The following DEPDC1B variants were observed in gnomAD, a reference collection of about 807,000 sequenced individuals.
The protein encoded by DEPDC1B is DEP domain containing 1B.
In DEPDC1B, 51 loss-of-function variants were observed where a neutral mutation model predicts 66.5. The ratio of observed to expected loss-of-function variants is 0.77; its 90% confidence interval spans 0.61 to 0.97. The LOEUF (loss-of-function observed/expected upper bound fraction) is 0.97, where lower values mean the gene tolerates loss of function less well. Ranked by LOEUF, DEPDC1B falls within the 50% of genes least tolerant of loss-of-function variation. The probability of loss-of-function intolerance (pLI) is 0.00; values close to 1 mark genes in which losing one functional copy is unlikely to be tolerated. For synonymous variants in DEPDC1B, 226 were observed against 223.6 expected, an observed-to-expected ratio of 1.01 and a Z score of -0.10; for missense variants, 552 against 637.1, an observed-to-expected ratio of 0.87 and a Z score of 1.44.
At chr5:60,653,475 G>A (rs1330296505) in intron 2 of DEPDC1B, among the ~76,000 whole-genome samples, 1 of 152,054 alleles carries the variant, frequency 6.6e-6, no homozygotes, top group African/African-American at 2.4e-5. Context: ...TGGTTTGATT[G>A]AGTTCCTCGT....
intron 6 of DEPDC1B, among the ~76,000 whole-genome samples, chr5:60,642,606 G>A (rs1561371506): frequency 6.6e-6 from 1 of 152,134 alleles, no homozygotes; most frequent in Non-Finnish European, 1.5e-5. Context: ...GAAAGTAGAA[G>A]TACTAAATCC....
chr5:60,689,127 A>T (rs1754488574), intron 1 of DEPDC1B: 1 of 449,856 alleles, frequency 2.2e-6, no homozygotes, highest in African/African-American at 2.0e-5. Flanking sequence ...CTGGTTGCAC[A>T]GGCCCTGGCA....
chr5:60,607,685 A>G (rs1752338681), intron 7 of DEPDC1B, among the ~76,000 whole-genome samples: 1 of 152,160 alleles, frequency 6.6e-6, no homozygotes, highest in Non-Finnish European at 1.5e-5. Context: ...TGCTCCAAAA[A>G]AAACACTTCT....
intron 7 of DEPDC1B, chr5:60,628,827 T>C (rs936435901): frequency 2.6e-5 from 4 of 152,254 alleles, no homozygotes; most frequent in African/African-American, 9.6e-5. Flanking sequence ...ATATCAACTG[T>C]ATTTTATATA....
In DEPDC1B at chr5:60,654,662, T is replaced by G. The variant is rs929927732; in HGVS notation, c.315-7129A>C. Among the ~76,000 whole-genome samples the G allele has an allele frequency of 2.0e-5, 3 of 148,850 alleles. 1 individual carries two copies. Among genetic ancestry groups the G allele is most frequent in the African/African-American group, 7.6e-5 (3 of 39,434 alleles). On this transcript the variant is annotated intron_variant, in intron 2 of 10. Coordinates refer to ENST00000265036, the MANE Select transcript of DEPDC1B (RefSeq NM_018369.3). ...GCTCCAACTAGGACTTCCAGTACTATGTTGAATAGAAGTGGTGAAAGTCAG... is the reference window on the plus strand; with the variant it reads ...GCTCCAACTAGGACTTCCAGTACTAGGTTGAATAGAAGTGGTGAAAGTCAG...
At position 60,634,990 on chromosome 5, in the gene DEPDC1B, T is replaced by C. The variant is rs576716078; in HGVS notation, c.898+3760A>G. Among the ~76,000 whole-genome samples the C allele has an allele frequency of 3.5e-5, 5 of 144,076 alleles. No homozygotes were observed. In the East Asian group the frequency reaches 8.7e-4, roughly 25 times the overall value. The allele number at this position is 144,076 out of a possible 152,430, so 94.5% of individuals were successfully genotyped here. ...AAAAGAATCACTTGAACCCAGAAGA[T>C]GGAGGTTGCGGTGAGCTGAGATTGC... On this transcript the variant is annotated intron_variant, in intron 7 of 10. Transcript: ENST00000265036.
At chr5:60,611,500 G>C (rs1752413285) in intron 7 of DEPDC1B, among the ~76,000 whole-genome samples, 3 of 152,238 alleles carry the variant, frequency 2.0e-5, no homozygotes, top group Admixed American at 6.5e-5. Flanking sequence ...GCTGAGAGAA[G>C]TCACAAGCTA....
rs536322662 is a variant in DEPDC1B at position 60,602,048 on chromosome 5, C to T, written c.1242+1343G>A. 9.9e-5 allele frequency among the ~76,000 whole-genome samples: 15 copies of T among 150,784 alleles called. No individual in the cohort carries two copies. The South Asian group carries it at 2.5e-3, about 25-fold the overall frequency. ...TGCTCTTGGCCATTCTCATGCCAATCAACAATATTTAATGATGGGGGAATT... is the reference window on the plus strand; with the variant it reads ...TGCTCTTGGCCATTCTCATGCCAATTAACAATATTTAATGATGGGGGAATT... On this transcript the variant is annotated intron_variant, in intron 9 of 10. Coordinates refer to ENST00000265036, the MANE Select transcript of DEPDC1B (RefSeq NM_018369.3).
chr5:60,634,705 T>TAAATAAATAA (rs1334275304), intron 7 of DEPDC1B, among the ~76,000 whole-genome samples: 1 of 131,458 alleles, frequency 7.6e-6, no homozygotes, highest in African/African-American at 3.5e-5. Context: ...TAAATAAATA[T>TAAATAAATAA]AAAAATAAAT....
At position 60,700,063 on chromosome 5, in the gene DEPDC1B, A is replaced by G; in HGVS notation, c.31T>C (p.Tyr11His). The G allele has an allele frequency of 2.6e-6, 4 of 1,558,250 alleles. No homozygotes were observed. The highest frequency in any genetic ancestry group is 3.5e-6 in the Non-Finnish European group (4 of 1,152,988). Residue 11 changes from tyrosine to histidine, a missense_variant, in exon 1 of 11, where the codon TAC (tyrosine) becomes CAC (histidine). Transcript: ENST00000265036. ...TCACTCACCAGCCTGGTAGCTCGGTACGGCCCGGGCCCCACGATGCGATGC... is the reference window on the plus strand; with the variant it reads ...TCACTCACCAGCCTGGTAGCTCGGTGCGGCCCGGGCCCCACGATGCGATGC... MEHRIVGPGP[Y>H]RATRLWNETV...
At chr5:60,606,615 A>T (rs1752316221) in intron 7 of DEPDC1B, among the ~76,000 whole-genome samples, 2 of 142,342 alleles carry the variant, frequency 1.4e-5, no homozygotes, top group South Asian at 5.1e-4. Context: ...TCTACAAAAA[A>T]AAAAAAAAAA....
In DEPDC1B at chr5:60,664,542, T is replaced by C. The variant is rs146672682; in HGVS notation, c.315-17009A>G. On this transcript the variant is annotated intron_variant, in intron 2 of 10. Coordinates refer to ENST00000265036, the MANE Select transcript of DEPDC1B (RefSeq NM_018369.3). ...TTTCTTCCAGACAATGAAGAAAAGA[T>C]AGAACGTAACTGTCAACAAGTAATT... Among the ~76,000 whole-genome samples, 1,072 of 152,336 alleles carry C rather than the reference T, an allele frequency of 7.0e-3. 9 individuals carry two copies. The highest frequency in any genetic ancestry group is 0.025 in the African/African-American group (1,026 of 41,574).
At chr5:60,693,660 G>A (rs1438971058) in intron 1 of DEPDC1B, among the ~76,000 whole-genome samples, 3 of 152,162 alleles carry the variant, frequency 2.0e-5, no homozygotes, top group African/African-American at 7.2e-5. Flanking sequence ...CTGTGAATAA[G>A]ATCTGGAATC....
intron 2 of DEPDC1B, among the ~76,000 whole-genome samples, chr5:60,668,007 G>T (rs1753917117): frequency 1.1e-5 from 1 of 94,280 alleles, no homozygotes; most frequent in African/African-American, 5.5e-5. Flanking sequence ...ATATAAAATG[G>T]ATATTTTATA....
intron 2 of DEPDC1B, among the ~76,000 whole-genome samples, chr5:60,669,608 T>C (rs1212102767): frequency 6.6e-6 from 1 of 152,196 alleles, no homozygotes; most frequent in Non-Finnish European, 1.5e-5. Flanking sequence ...GAAAAACTGC[T>C]AATGATTACA....
At chr5:60,635,042 A>G (rs1753012616) in intron 7 of DEPDC1B, among the ~76,000 whole-genome samples, 1 of 148,292 alleles carries the variant, frequency 6.7e-6, no homozygotes, top group South Asian at 2.2e-4. Flanking sequence ...CTGGGCAACA[A>G]GAGCGAAACT....
rs1378278065 is a variant in DEPDC1B, at chr5:60,605,792, A to T, written c.963T>A (p.Pro321=). 1.2e-6 allele frequency: 2 copies of T among 1,613,506 alleles called. No individual in the cohort carries two copies. Among genetic ancestry groups the T allele is most frequent in the Non-Finnish European group, 1.7e-6 (2 of 1,179,760 alleles). Residue 321 remains proline, a synonymous_variant, in exon 8 of 11, where the codon CCT becomes CCA. Coordinates refer to ENST00000265036, the MANE Select transcript of DEPDC1B (RefSeq NM_018369.3). ...ATAGCTGTAACTTTCTCCTATTTTC[A>T]GGAGGTAGGAGAAGGCAGCAAATCT... ...AFQICCLLLP[P]ENRRKLQLLM... is the part of the protein sequence containing the mutation.
At chr5:60,657,012 G>C in intron 2 of DEPDC1B, among the ~76,000 whole-genome samples, 1 of 152,286 alleles carries the variant, frequency 6.6e-6, no homozygotes, top group Admixed American at 6.5e-5. Flanking sequence ...ATATTTTTCT[G>C]TTGGAACAGT....
chr5:60,650,718 A>G (rs1257418576), intron 2 of DEPDC1B, among the ~76,000 whole-genome samples: 2 of 152,218 alleles, frequency 1.3e-5, no homozygotes, highest in Non-Finnish European at 1.5e-5. Flanking sequence ...CATTTGGGAA[A>G]AATGAAATTG....
Sources: allele counts gnomAD v4.1 joint callset (sites outside exome capture counted in the v4.1 genomes callset), GRCh38; gene constraint gnomAD v4.1.1; transcripts MANE v1.5; gene names NCBI Gene and HGNC (gene_info 2026-07-23, HGNC 2026-07-21).